DAPK2: variants seen among roughly 807,000 people sequenced by gnomAD.
The protein encoded by DAPK2 is death-associated protein kinase 2.
DAPK2 carries 35 observed loss-of-function variants against 44.1 expected under a neutral mutation model. The observed-to-expected ratio is 0.79, with a 90% CI of 0.61 to 1.05. The LOEUF (loss-of-function observed/expected upper bound fraction) is 1.05, where lower values mean the gene tolerates loss of function less well. Among genes scored for constraint, DAPK2 ranks in the 50% least tolerant of loss-of-function variants. The pLI is 0.00. For synonymous variants in DAPK2, 174 were observed against 182.6 expected (o/e 0.95, Z 0.38); for missense variants, 453 against 483.2 (o/e 0.94, Z 0.59).
At chr15:64,046,315 CCGCGGTCGCGGCCGCGGCAGG>C (rs2080462010) in exon 1 of DAPK2, 1 of 979,516 alleles carries the variant, frequency 1.0e-6, no homozygotes, top group Non-Finnish European at 1.2e-6. This position sits in a 1 kb window ranked among gnomAD's most constrained non-coding sequence, Gnocchi z 5.3. Flanking sequence ...GGCTGAGCTG[CCGCGGTCGCGGCCGCGGCAGG>C]CGCGGCGGGA....
rs1173860997 is a variant in DAPK2 at position 64,006,339 on chromosome 15, C to T, written c.93-22585G>A. On this transcript the variant is annotated intron_variant, in intron 1 of 10. Coordinates refer to ENST00000261891, the Ensembl canonical transcript of DAPK2. ...TCAGGAGGCAGAATGTCAGCCTTTA[C>T]CATCAGAGGCCATAAGCCCCCAGAC... is the stretch of plus-strand genomic sequence containing the variant. Among the ~76,000 whole-genome samples the T allele has an allele frequency of 2.6e-5, 4 of 152,164 alleles. No homozygotes were observed. In the East Asian group the frequency reaches 7.7e-4, roughly 29 times the overall value.
At position 63,959,549 on chromosome 15, in the gene DAPK2, G is replaced by C. The variant is rs188359048; in HGVS notation, c.453+11874C>G. 9.6e-4 allele frequency among the ~76,000 whole-genome samples: 146 copies of C among 152,300 alleles called. 1 individual carries two copies. Among genetic ancestry groups the C allele is most frequent in the Admixed American group, 8.0e-3 (123 of 15,306 alleles). On this transcript the variant is annotated intron_variant, in intron 3 of 10. Transcript: ENST00000261891. ...GTCCCATCAATACCTAGTTTATTGA[G>C]AGTTTTTAGCATGAAGGGCTGTTGA...
intron 3 of DAPK2, among the ~76,000 whole-genome samples, chr15:63,948,989 T>G (rs2077520933): frequency 6.6e-6 from 1 of 152,154 alleles, no homozygotes; most frequent in South Asian, 2.1e-4. Flanking sequence ...CTGTGTGCTC[T>G]CCACTCTCCC....
At chr15:64,008,338 T>C (rs1017110497) in intron 1 of DAPK2, among the ~76,000 whole-genome samples, 10 of 152,204 alleles carry the variant, frequency 6.6e-5, no homozygotes, top group Non-Finnish European at 1.5e-5. Flanking sequence ...CTCAACACCC[T>C]GCACAGTCAG....
chr15:63,943,803 G>A (rs551925179), intron 3 of DAPK2, among the ~76,000 whole-genome samples: 1 of 152,302 alleles, frequency 6.6e-6, no homozygotes, highest in East Asian at 1.9e-4. Flanking sequence ...TTGAACCCGG[G>A]AAGCAGAGGC....
Position 64,046,003 on chromosome 15 carries a change from GTC to G in DAPK2, c.-7+293_-7+294del, listed in dbSNP as rs1192450651. ...TTCCAGGGGGCCTAACTCGATGGACGTCTGTCTCCCATCTCCCTGCTGGGTGC... is the reference window on the plus strand; with the variant it reads ...TTCCAGGGGGCCTAACTCGATGGACGTGTCTCCCATCTCCCTGCTGGGTGC... On this transcript the variant is annotated intron_variant, in intron 1 of 11. Transcript: ENST00000457488. The surrounding 1 kb of genome is among the most constrained non-coding windows in gnomAD (Gnocchi z 5.3). Among the ~76,000 whole-genome samples, 1 of 152,218 alleles carries G rather than the reference GTC, an allele frequency of 6.6e-6. No individual in the cohort carries two copies. Among genetic ancestry groups the G allele is most frequent in the Non-Finnish European group, 1.5e-5 (1 of 68,026 alleles).
At chr15:64,012,957 C>T (rs1320951333) in intron 1 of DAPK2, among the ~76,000 whole-genome samples, 1 of 152,138 alleles carries the variant, frequency 6.6e-6, no homozygotes, top group Admixed American at 6.5e-5. Context: ...AATGTTTACA[C>T]TACAACATAA....
At chr15:63,967,919 T>C (rs932253319) in intron 3 of DAPK2, among the ~76,000 whole-genome samples, 1 of 152,090 alleles carries the variant, frequency 6.6e-6, no homozygotes, top group East Asian at 1.9e-4. Flanking sequence ...GAACAGGTTA[T>C]GGGTAAGGGT....
chr15:63,913,453 T>G (rs906476269), intron 8 of DAPK2, among the ~76,000 whole-genome samples: 2 of 152,206 alleles, frequency 1.3e-5, no homozygotes, highest in Non-Finnish European at 2.9e-5. Context: ...AAGGCCCCCA[T>G]GACCTCAAGA....
chr15:63,986,032 C>T (rs2078659233), intron 1 of DAPK2, among the ~76,000 whole-genome samples: 1 of 152,210 alleles, frequency 6.6e-6, no homozygotes. Flanking sequence ...CACACACCAC[C>T]ACTCGTCTCA....
intron 6 of DAPK2, among the ~76,000 whole-genome samples, chr15:63,928,662 C>T (rs762764563): frequency 2.6e-5 from 4 of 152,074 alleles, no homozygotes; most frequent in Non-Finnish European, 5.9e-5. Flanking sequence ...TAAGTCCCTA[C>T]CCAAGGCCAC....
At chr15:63,971,540 G>T (rs144523094) in exon 3 of DAPK2, 3 of 1,614,150 alleles carry the variant, frequency 1.9e-6, no homozygotes, top group South Asian at 2.2e-5. Flanking sequence ...CCAGGAAATC[G>T]AAGAGCTCTC....
chr15:64,021,472 C>T (rs1056279870), intron 1 of DAPK2, among the ~76,000 whole-genome samples: 2 of 152,278 alleles, frequency 1.3e-5, no homozygotes, highest in East Asian at 1.9e-4. Flanking sequence ...ACAAGCTCAG[C>T]GCCCTTGGGG....
At position 63,977,499 on chromosome 15, in the gene DAPK2, T is replaced by G. The variant is rs539076040; in HGVS notation, c.315-5938A>C. Among the ~76,000 whole-genome samples the G allele has an allele frequency of 3.5e-5, 5 of 143,462 alleles. No individual in the cohort carries two copies. The East Asian group carries it at 1.3e-3, about 36-fold the overall frequency. 94.1% of individuals were successfully genotyped at this position (143,462 alleles called of 152,430 possible). ...GAGAGTTCTAGGGCTCAACTTTTCT[T>G]CTTGTGAAACAGGAGTGAAAAAAAT... On this transcript the variant is annotated intron_variant, in intron 2 of 10. Coordinates refer to ENST00000261891, the Ensembl canonical transcript of DAPK2.
At chr15:64,026,122 G>A (rs907547990) in intron 1 of DAPK2, among the ~76,000 whole-genome samples, 1 of 152,198 alleles carries the variant, frequency 6.6e-6, no homozygotes, top group Non-Finnish European at 1.5e-5. Context: ...GCTGGCGGCT[G>A]AGCCATCCCC....
chr15:63,992,818 A>G (rs2078854554), intron 1 of DAPK2, among the ~76,000 whole-genome samples: 1 of 152,226 alleles, frequency 6.6e-6, no homozygotes, highest in South Asian at 2.1e-4. Flanking sequence ...AGTCAGATGT[A>G]TGTTTAACAA....
At chr15:64,031,985 C>T (rs1417327491) in intron 1 of DAPK2, among the ~76,000 whole-genome samples, 1 of 152,120 alleles carries the variant, frequency 6.6e-6, no homozygotes, top group Non-Finnish European at 1.5e-5. Context: ...AGGTATTCTG[C>T]CTTAGGTTTA....
At chr15:64,032,885 A>G (rs2080056854) in intron 1 of DAPK2, among the ~76,000 whole-genome samples, 1 of 152,084 alleles carries the variant, frequency 6.6e-6, no homozygotes, top group Non-Finnish European at 1.5e-5. Flanking sequence ...CAGGAGTTCA[A>G]GACCAGCCTG....
exon 11 of DAPK2, chr15:63,907,753 CTG>C (rs2146443164): frequency 1.3e-5 from 2 of 152,386 alleles, no homozygotes; most frequent in Non-Finnish European, 2.9e-5. Flanking sequence ...GGACACCTTC[CTG>C]TTAGGGAAGC....
Sources: gnomAD v4.1 joint callset for allele counts (sites outside exome capture counted in the v4.1 genomes callset) on GRCh38, gnomAD v4.1.1 for gene constraint, Gnocchi (gnomAD v3.1) non-coding constraint, MANE v1.5 for transcripts, NCBI Gene and HGNC (gene_info 2026-07-23, HGNC 2026-07-21) for gene names.